The following MBNL2 variants were observed in gnomAD, a reference collection of about 807,000 sequenced individuals.
MBNL2 encodes muscleblind like splicing regulator 2.
In MBNL2, 17 loss-of-function variants were observed where a neutral mutation model predicts 41.9. The ratio of observed to expected loss-of-function variants is 0.41; its 90% CI spans 0.28 to 0.61. MBNL2 has a LOEUF of 0.61. MBNL2 is among the 20% of genes least tolerant of loss of function. The pLI is 0.35. For missense variants in MBNL2, 336 were observed against 505.6 expected (o/e 0.66, Z 3.22); for synonymous variants, 195 against 182.9 (o/e 1.07, Z -0.53).
At chr13:97,252,542 A>T (rs898685277) in intron 1 of MBNL2, among the ~76,000 whole-genome samples, 1 of 152,222 alleles carries the variant, frequency 6.6e-6, no homozygotes, top group Non-Finnish European at 1.5e-5. Flanking sequence ...ATTATTTTAC[A>T]TCTCTAAGTA....
At position 97,366,699 on chromosome 13, in the gene MBNL2, A is replaced by G; in HGVS notation, c.1048+1528A>G. On this transcript the variant is annotated intron_variant, in intron 8 of 8. Coordinates refer to ENST00000679496, the MANE Select transcript of MBNL2 (RefSeq NM_001382683.1). The surrounding 1 kb of genome is among the most constrained non-coding windows in gnomAD (Gnocchi z 4.7). ...TAATTAGTTTATAGCAAGCATTTACAGACAGGTTGCACTTATTTAGAGTTA... is the reference window on the plus strand; with the variant it reads ...TAATTAGTTTATAGCAAGCATTTACGGACAGGTTGCACTTATTTAGAGTTA... 1 of 701,302 alleles carries G rather than the reference A, an allele frequency of 1.4e-6. No homozygotes were observed. The highest frequency in any genetic ancestry group is 2.6e-6 in the Non-Finnish European group (1 of 383,820). The allele number at this position is 701,302 out of a possible 1,614,324, so 43.4% of individuals were successfully genotyped here. A position where few individuals can be genotyped will look rare whatever the true frequency, so the allele number is the denominator to read the frequency against.
At chr13:97,326,379 AAAAG>A (rs2059914058) in intron 2 of MBNL2, among the ~76,000 whole-genome samples, 1 of 152,234 alleles carries the variant, frequency 6.6e-6, no homozygotes, top group South Asian at 2.1e-4. Context: ...GCAACAGAGA[AAAAG>A]AACACACCAG....
chr13:97,304,072 C>T (rs1452100143), intron 2 of MBNL2, among the ~76,000 whole-genome samples: 1 of 152,172 alleles, frequency 6.6e-6, no homozygotes, highest in African/African-American at 2.4e-5. Flanking sequence ...GAGGCAGAGT[C>T]CATCGTATGA....
chr13:97,163,293 T>C, the MBNL2 span, among the ~76,000 whole-genome samples: 1 of 152,156 alleles, frequency 6.6e-6, no homozygotes, highest in Non-Finnish European at 1.5e-5. Context: ...TATTCAAACT[T>C]GTAAACAATA....
At chr13:97,331,325 G>A (rs1275697288) in intron 2 of MBNL2, among the ~76,000 whole-genome samples, 2 of 152,150 alleles carry the variant, frequency 1.3e-5, no homozygotes, top group Non-Finnish European at 2.9e-5. Flanking sequence ...ATTGCTCAAA[G>A]TCATGCAGCT....
At chr13:97,248,415 G>T (rs536623069) in intron 1 of MBNL2, among the ~76,000 whole-genome samples, 1 of 152,310 alleles carries the variant, frequency 6.6e-6, no homozygotes, top group African/African-American at 2.4e-5. Context: ...GATTACTGGC[G>T]TGAGCCACCG....
chr13:97,301,584 G>C (rs908635375), intron 2 of MBNL2, among the ~76,000 whole-genome samples: 2 of 152,164 alleles, frequency 1.3e-5, no homozygotes, highest in Non-Finnish European at 2.9e-5. Context: ...TTTAGGTTGA[G>C]GTCACCCTGG....
Position 97,365,173 on chromosome 13 carries a change from T to C in MBNL2, c.1048+2T>C. On this transcript the variant is annotated splice_donor_variant, in intron 8 of 8. Coordinates refer to ENST00000679496, the MANE Select transcript of MBNL2 (RefSeq NM_001382683.1). LOFTEE classifies it high-confidence loss of function. ...GCATGACACCCGCTACCAGTATTGGTAGGTTTCAACCTTTTTTATTTGTCT... is the reference window on the plus strand; with the variant it reads ...GCATGACACCCGCTACCAGTATTGGCAGGTTTCAACCTTTTTTATTTGTCT... 1 of 1,598,724 alleles carries C rather than the reference T, an allele frequency of 6.3e-7. No individual in the cohort carries two copies. The highest frequency in any genetic ancestry group is 8.6e-7 in the Non-Finnish European group (1 of 1,165,988).
the MBNL2 span, among the ~76,000 whole-genome samples, chr13:97,146,497 G>T: frequency 6.6e-6 from 1 of 152,144 alleles, no homozygotes; most frequent in Non-Finnish European, 1.5e-5. Flanking sequence ...GTTGGCCAGG[G>T]ATCTCACTTG....
the MBNL2 span, among the ~76,000 whole-genome samples, chr13:97,202,977 G>T: frequency 6.6e-6 from 1 of 152,152 alleles, no homozygotes. Flanking sequence ...TCCACTTCTT[G>T]TTTTGTGCTC....
intron 1 of MBNL2, among the ~76,000 whole-genome samples, chr13:97,250,053 A>G (rs1469017933): frequency 6.6e-6 from 1 of 152,028 alleles, no homozygotes; most frequent in Non-Finnish European, 1.5e-5. Flanking sequence ...TTTTTTTGGA[A>G]CTTTCCAAGA....
chr13:97,278,833 C>A (rs1308874806), intron 2 of MBNL2, among the ~76,000 whole-genome samples: 1 of 151,994 alleles, frequency 6.6e-6, no homozygotes, highest in Non-Finnish European at 1.5e-5. Flanking sequence ...TAAAACTGTC[C>A]AACTGAAAAG....
Position 97,329,523 on chromosome 13 carries a change from T to C in MBNL2, c.175-4753T>C, listed in dbSNP as rs2060192375. Among the ~76,000 whole-genome samples, 4 of 151,626 alleles carry C rather than the reference T, an allele frequency of 2.6e-5. No individual in the cohort carries two copies. In the South Asian group the frequency reaches 6.3e-4, roughly 24 times the overall value. ...CATGCTCCTCCCCACACCCCTTCTC[T>C]GCACTGGCCTTAGAGAGCTGCGTGC... On this transcript the variant is annotated intron_variant, in intron 2 of 8. Transcript: ENST00000679496.
chr13:97,191,007 TA>T, the MBNL2 span, among the ~76,000 whole-genome samples: 51 of 146,196 alleles, frequency 3.5e-4, no homozygotes, highest in African/African-American at 6.0e-4. Flanking sequence ...CAAATGAAAC[TA>T]AAAAAAAAAA....
At chr13:97,292,344 G>C (rs2056291650) in intron 2 of MBNL2, among the ~76,000 whole-genome samples, 1 of 152,168 alleles carries the variant, frequency 6.6e-6, no homozygotes, top group Non-Finnish European at 1.5e-5. Context: ...TAGTCACTCA[G>C]GAGCTGGGTG....
At chr13:97,269,621 G>T (rs1361217811) in intron 1 of MBNL2, among the ~76,000 whole-genome samples, 2 of 152,184 alleles carry the variant, frequency 1.3e-5, no homozygotes, top group African/African-American at 4.8e-5. Flanking sequence ...GGCCCCAGAG[G>T]TGTTCCCTTC....
intron 2 of MBNL2, among the ~76,000 whole-genome samples, chr13:97,290,291 G>T (rs867086134): frequency 6.6e-6 from 1 of 151,832 alleles, no homozygotes; most frequent in East Asian, 1.9e-4. Context: ...TGGGCACACC[G>T]CTGGAAATAC....
chr13:97,260,548 C>T (rs1207319534), intron 1 of MBNL2, among the ~76,000 whole-genome samples: 1 of 152,116 alleles, frequency 6.6e-6, no homozygotes, highest in East Asian at 1.9e-4. Context: ...AAGGCAGGGG[C>T]CAAGTGCAGC....
the MBNL2 span, among the ~76,000 whole-genome samples, chr13:97,184,372 C>T: frequency 6.6e-6 from 1 of 152,178 alleles, no homozygotes; most frequent in Non-Finnish European, 1.5e-5. Flanking sequence ...CTTAACCTTA[C>T]TGCTCCCTGG....
Sources: allele counts gnomAD v4.1 joint callset (sites outside exome capture counted in the v4.1 genomes callset), GRCh38; gene constraint gnomAD v4.1.1; non-coding constraint Gnocchi (gnomAD v3.1); transcripts MANE v1.5; gene names NCBI Gene and HGNC (gene_info 2026-07-23, HGNC 2026-07-21).